Variants in ATRNL1 observed in about 807,000 individuals in gnomAD.
The protein encoded by ATRNL1 is attractin like 1.
In ATRNL1, 95 loss-of-function variants were observed where a neutral mutation model predicts 182.7. The observed-to-expected ratio is 0.52, with a 90% CI of 0.44 to 0.62. ATRNL1 has a LOEUF of 0.62. Among genes scored for constraint, ATRNL1 ranks in the 20% least tolerant of loss-of-function variants. The pLI is 0.00. For missense variants in ATRNL1, 1,471 were observed against 1,679.5 expected (o/e 0.88, Z 2.17); for synonymous variants, 576 against 568.3 (o/e 1.01, Z -0.19).
At chr10:115,207,300 C>T (rs1231858897) in intron 8 of ATRNL1, among the ~76,000 whole-genome samples, 6 of 152,128 alleles carry the variant, frequency 3.9e-5, no homozygotes, top group African/African-American at 1.4e-4. Flanking sequence ...TTTACAATCC[C>T]ACCAGCAGTG....
In ATRNL1 at chr10:115,160,061, T is replaced by C. The variant is rs781974031; in HGVS notation, c.851T>C (p.Val284Ala). Residue 284 changes from valine (V) to alanine (A), a missense_variant, in exon 6 of 29, where the codon GTT (valine) becomes GCT (alanine). Physicochemically the swap from Val to Ala is moderately conservative, Grantham distance 64. This residue lies in a region of ATRNL1 where 1,031 missense variants were observed against 1,156.0 expected (regional missense o/e 0.89). Transcript: ENST00000355044. ...SWQGPDCSLN[V>A]PSTESYWILP... Reference sequence around the variant, plus strand: ...ATAGGTCCTGATTGTTCTTTGAATGTTCCCTCTACTGAGTCTTACTGGATT... The same window carrying C: ...ATAGGTCCTGATTGTTCTTTGAATGCTCCCTCTACTGAGTCTTACTGGATT... 1 of 1,608,130 alleles carries C rather than the reference T, an allele frequency of 6.2e-7. No homozygotes were observed. The highest frequency in any genetic ancestry group is 8.5e-7 in the Non-Finnish European group (1 of 1,177,174).
intron 28 of ATRNL1, among the ~76,000 whole-genome samples, chr10:115,909,168 C>T (rs1555115249): frequency 6.6e-6 from 1 of 151,982 alleles, no homozygotes; most frequent in Non-Finnish European, 1.5e-5. Context: ...ATCCCCCTCC[C>T]CTTCCTCTTC....
intron 20 of ATRNL1, among the ~76,000 whole-genome samples, chr10:115,419,674 C>T (rs1845564021): frequency 6.6e-6 from 1 of 152,130 alleles, no homozygotes; most frequent in South Asian, 2.1e-4. Context: ...TAAAAAGAGA[C>T]AAGGCCATTA....
rs560079716 is a variant in ATRNL1, at chr10:115,811,249, G to T, written c.3904-36628G>T. On this transcript the variant is annotated intron_variant, in intron 27 of 28. Transcript: ENST00000355044. ...ATTTCTTTGATCTTTGGCTTATTTA[G>T]AAGTGTGTTGTTTCTAAATGTGTCA... Among the ~76,000 whole-genome samples, 3 of 151,880 alleles carry T rather than the reference G, an allele frequency of 2.0e-5. No individual in the cohort carries two copies. In the East Asian group the frequency reaches 5.8e-4, roughly 29 times the overall value.
At chr10:115,311,381 G>A (rs1281520179) in intron 17 of ATRNL1, among the ~76,000 whole-genome samples, 1 of 151,990 alleles carries the variant, frequency 6.6e-6, no homozygotes, top group African/African-American at 2.4e-5. Context: ...GTAGAAACCG[G>A]TTTCACCATG....
At chr10:115,324,860 G>A (rs1289142478) in intron 18 of ATRNL1, among the ~76,000 whole-genome samples, 4 of 151,978 alleles carry the variant, frequency 2.6e-5, no homozygotes, top group South Asian at 2.1e-4. Context: ...TCTATTCCAC[G>A]TATAGTAAAA....
intron 5 of ATRNL1, among the ~76,000 whole-genome samples, chr10:115,144,803 T>C (rs146720627): frequency 6.6e-4 from 100 of 152,320 alleles, no homozygotes; most frequent in African/African-American, 2.0e-3. Context: ...CTGTTTATGC[T>C]TGACTGGCTG....
chr10:115,663,299 C>G (rs1860805704), intron 26 of ATRNL1, among the ~76,000 whole-genome samples: 1 of 152,034 alleles, frequency 6.6e-6, no homozygotes, highest in Admixed American at 6.6e-5. Flanking sequence ...GACTTGAAAG[C>G]TCATACACTA....
intron 28 of ATRNL1, among the ~76,000 whole-genome samples, chr10:115,860,876 G>A (rs2134391041): frequency 6.6e-6 from 1 of 152,210 alleles, no homozygotes; most frequent in East Asian, 1.9e-4. Context: ...CCATCATGTG[G>A]TAGAAGGCAG....
At chr10:115,550,897 C>T (rs11595244) in intron 26 of ATRNL1, among the ~76,000 whole-genome samples, 24,779 of 151,596 alleles carry the variant, frequency 0.16, 2,545 homozygotes, top group South Asian at 0.24. Flanking sequence ...ATCAGGGAGC[C>T]TCTGTTCCCA....
chr10:115,859,850 A>C (rs1030121034), intron 28 of ATRNL1, among the ~76,000 whole-genome samples: 3 of 152,154 alleles, frequency 2.0e-5, no homozygotes, highest in Non-Finnish European at 2.9e-5. Context: ...TAAAAGGTAA[A>C]TGTTGATTAC....
At chr10:115,653,494 C>T (rs572627250) in intron 26 of ATRNL1, among the ~76,000 whole-genome samples, 66 of 152,270 alleles carry the variant, frequency 4.3e-4, no homozygotes, top group African/African-American at 1.6e-3. Context: ...TTTGCCTTTC[C>T]GTTTGGAATG....
At chr10:115,732,645 C>T (rs1341843519) in intron 27 of ATRNL1, among the ~76,000 whole-genome samples, 1 of 152,036 alleles carries the variant, frequency 6.6e-6, no homozygotes, top group South Asian at 2.1e-4. Context: ...CTGAGAGCTT[C>T]AGACCTATGC....
intron 24 of ATRNL1, among the ~76,000 whole-genome samples, chr10:115,498,448 T>G (rs12416301): frequency 1.3e-5 from 2 of 152,076 alleles, no homozygotes; most frequent in Admixed American, 1.3e-4. Flanking sequence ...TAATGAGTCT[T>G]AAGCTCTATG....
At chr10:115,339,686 C>T (rs1855647917) in intron 19 of ATRNL1, among the ~76,000 whole-genome samples, 1 of 151,906 alleles carries the variant, frequency 6.6e-6, no homozygotes, top group Non-Finnish European at 1.5e-5. Flanking sequence ...ATTTGGATGC[C>T]CTTTATATCT....
At chr10:115,288,741 C>T (rs1441333798) in intron 15 of ATRNL1, among the ~76,000 whole-genome samples, 2 of 151,978 alleles carry the variant, frequency 1.3e-5, no homozygotes, top group South Asian at 4.2e-4. Flanking sequence ...AGGCTGGTCT[C>T]GAACTCCTGA....
intron 27 of ATRNL1, among the ~76,000 whole-genome samples, chr10:115,829,577 G>A (rs1262092343): frequency 1.3e-5 from 2 of 151,184 alleles, no homozygotes; most frequent in Non-Finnish European, 2.9e-5. Context: ...GTGCTCCTTG[G>A]TATTTATAAC....
chr10:115,439,691 G>A (rs1020457330), intron 21 of ATRNL1, among the ~76,000 whole-genome samples: 31 of 151,748 alleles, frequency 2.0e-4, no homozygotes, highest in African/African-American at 7.3e-4. Context: ...AGACTATTCT[G>A]GACTATCCTG....
intron 22 of ATRNL1, among the ~76,000 whole-genome samples, chr10:115,463,587 G>A (rs1468117972): frequency 2.0e-5 from 3 of 151,968 alleles, no homozygotes; most frequent in African/African-American, 7.3e-5. Flanking sequence ...TTACAGTGTG[G>A]TGCAATCATC....
Sources: allele counts gnomAD v4.1 joint callset (sites outside exome capture counted in the v4.1 genomes callset), GRCh38; gene constraint gnomAD v4.1.1; regional missense constraint gnomAD v4.1.1; transcripts MANE v1.5; gene names NCBI Gene and HGNC (gene_info 2026-07-23, HGNC 2026-07-21).